CPNE7: variants seen among roughly 807,000 people sequenced by gnomAD.
CPNE7 encodes the protein copine 7.
Under a neutral mutation model 66.5 loss-of-function variants are expected in CPNE7, and 78 were observed. The ratio of observed to expected loss-of-function variants is 1.17; its 90% CI spans 0.98 to 1.42. The LOEUF (loss-of-function observed/expected upper bound fraction) is 1.42. CPNE7 is among the 40% of genes most tolerant of loss of function. The pLI is 0.00. For synonymous variants in CPNE7, 468 were observed against 336.7 expected (o/e 1.39, Z -4.27); for missense variants, 1,012 against 776.6 (o/e 1.30, Z -3.60).
chr16:89,595,820 C>A (rs780302256), intron 14 of CPNE7: 1 of 680,264 alleles, frequency 1.5e-6, no homozygotes, highest in South Asian at 1.5e-5. Context: ...CTTGTCGAAT[C>A]TACACAAAAG....
chr16:89,577,596 A>G lies in CPNE7; in HGVS notation c.232A>G (p.Thr78Ala). 6.4e-7 allele frequency: 1 copy of G among 1,556,566 alleles called. No homozygotes were observed. Among genetic ancestry groups the G allele is most frequent in the East Asian group, 2.4e-5 (1 of 41,464 alleles). ...SLHPVFSKVFTVDYYFEEVQR... is the reference protein window; with the variant it reads ...SLHPVFSKVFAVDYYFEEVQR... Reference sequence around the variant, plus strand: ...GCATCCCGTGTTCTCCAAGGTCTTCACGGTGGACTACTACTTCGAGGAGGT... The same window carrying G: ...GCATCCCGTGTTCTCCAAGGTCTTCGCGGTGGACTACTACTTCGAGGAGGT... Residue 78 changes from threonine (T) to alanine (A), a missense_variant, in exon 2 of 15, where the codon ACG (threonine) becomes GCG (alanine). Transcript: ENST00000319518.
At chr16:89,583,381 C>G in intron 2 of CPNE7, 3 of 1,480,122 alleles carry the variant, frequency 2.0e-6, no homozygotes, top group Non-Finnish European at 2.8e-6. Flanking sequence ...CAGGTGCAGG[C>G]CAGCTGGGCT....
intron 2 of CPNE7, among the ~76,000 whole-genome samples, chr16:89,583,155 G>T (rs960411146): frequency 6.6e-6 from 1 of 152,256 alleles, no homozygotes; most frequent in African/African-American, 2.4e-5. Flanking sequence ...AATCAACTCT[G>T]CTCCTTGGCA....
chr16:89,580,706 G>A (rs1252604305), intron 2 of CPNE7, among the ~76,000 whole-genome samples: 3 of 131,440 alleles, frequency 2.3e-5, no homozygotes, highest in African/African-American at 8.8e-5. Context: ...CCTGTCACAC[G>A]GAACATCCCG....
rs2059263711 is a variant in CPNE7, at chr16:89,596,773, G to A, written c.*152G>A. 2 of 1,071,084 alleles carry A rather than the reference G, an allele frequency of 1.9e-6. No individual in the cohort carries two copies. Among genetic ancestry groups the A allele is most frequent in the East Asian group, 3.1e-5 (1 of 32,254 alleles). The allele number at this position is 1,071,084 out of a possible 1,614,324, so 66.3% of individuals were successfully genotyped here. A position where few individuals can be genotyped will look rare whatever the true frequency, so the allele number is the denominator to read the frequency against. Reference sequence around the variant, plus strand: ...TCCCAGTCCTCCTGGGATCCTGCTGGCTTGGGCCCGGCTCTGGGGCCCCCA... The same window carrying A: ...TCCCAGTCCTCCTGGGATCCTGCTGACTTGGGCCCGGCTCTGGGGCCCCCA... On this transcript the variant is annotated 3_prime_UTR_variant, in exon 15 of 15. Transcript: ENST00000319518.
rs567442000 is a variant in CPNE7, at chr16:89,583,838, C to T, written c.432+67C>T. The T allele has an allele frequency of 7.0e-5, 110 of 1,570,600 alleles. 1 individual carries two copies. In the African/African-American group the frequency reaches 1.0e-3, roughly 15 times the overall value. ...CTGTGGCTCCGAGGGGTGTTGTGGG[C>T]GGAAGATGGGCAGCAGCGTGCCGTC... On this transcript the variant is annotated intron_variant, in intron 3 of 14. Transcript: ENST00000319518.
intron 7 of CPNE7, among the ~76,000 whole-genome samples, chr16:89,586,354 T>A (rs779820421): frequency 1.3e-5 from 2 of 151,942 alleles, no homozygotes; most frequent in African/African-American, 2.4e-5. Flanking sequence ...CTCCCCTGTG[T>A]CTGCCCAGCC....
rs2292955 is a variant in CPNE7 at position 89,586,896 on chromosome 16, C to G, written c.867+140C>G. On this transcript the variant is annotated intron_variant, in intron 8 of 14. Coordinates refer to ENST00000319518, the MANE Select transcript of CPNE7 (RefSeq NM_153636.3). ...GGAGGGGCTGAGAGACGGGGAAGGG[C>G]GAGGTTGGGGAGAGAGGATGGGGGA... 0.033 allele frequency: 36,619 copies of G among 1,096,220 alleles called. 2,999 individuals are homozygous for G. The East Asian group carries it at 0.35, about 10-fold the overall frequency. The allele number at this position is 1,096,220 out of a possible 1,614,324, so 67.9% of individuals were successfully genotyped here.
chr16:89,583,272 T>G (rs1022441227), intron 2 of CPNE7, among the ~76,000 whole-genome samples: 13 of 151,992 alleles, frequency 8.6e-5, no homozygotes, highest in Non-Finnish European at 1.8e-4. Context: ...CCGGGGCCGT[T>G]TGAGCTGCCT....
chr16:89,587,723 C>T (rs1437047290), intron 9 of CPNE7: 12 of 193,364 alleles, frequency 6.2e-5, no homozygotes, highest in East Asian at 1.6e-4. Flanking sequence ...ATAGCACCCC[C>T]GTGTCACCCA....
intron 9 of CPNE7, chr16:89,587,765 C>CACCCACAGATACACGGCCCCCCGTGTT (rs2059088334): frequency 1.6e-5 from 1 of 62,278 alleles, no homozygotes; most frequent in African/African-American, 9.3e-5. Flanking sequence ...ACCCGCGTGT[C>CACCCACAGATACACGGCCCCCCGTGTT]ACCCACAGAA....
intron 1 of CPNE7, among the ~76,000 whole-genome samples, chr16:89,576,843 T>TTGAGGGTG (rs1660888303): frequency 1.3e-5 from 2 of 152,064 alleles, no homozygotes; most frequent in Admixed American, 1.3e-4. Context: ...GTCATCCACC[T>TTGAGGGTG]TGAGGGTGAA....
At chr16:89,587,473 T>C in intron 9 of CPNE7, 1 of 440,384 alleles carries the variant, frequency 2.3e-6, no homozygotes, top group South Asian at 1.6e-5. Context: ...GGAAACGGGC[T>C]TGGGGTTCAG....
At chr16:89,593,066 C>T (rs1040453865) in intron 13 of CPNE7, among the ~76,000 whole-genome samples, 23 of 151,962 alleles carry the variant, frequency 1.5e-4, no homozygotes, top group African/African-American at 5.3e-4. Context: ...CCTGCCTCAG[C>T]CTCCCAAAGT....
At chr16:89,582,020 A>T (rs767607958) in intron 2 of CPNE7, among the ~76,000 whole-genome samples, 2 of 152,262 alleles carry the variant, frequency 1.3e-5, no homozygotes, top group African/African-American at 2.4e-5. Flanking sequence ...CTGTTCACAT[A>T]AGCACACACA....
Position 89,584,913 on chromosome 16 carries a change from C to G in CPNE7, c.591+56C>G, listed in dbSNP as rs75059901. ...GGGAAGGGGCTGTCCCCAGCCCTCA[C>G]GCATCTCTGGCCACATGGGAGGAGC... is the stretch of plus-strand genomic sequence containing the variant. On this transcript the variant is annotated intron_variant, in intron 5 of 14. Coordinates refer to ENST00000319518, the MANE Select transcript of CPNE7 (RefSeq NM_153636.3). This position sits in a 1 kb window ranked among gnomAD's most constrained non-coding sequence, Gnocchi z 6.0. 2.0e-6 allele frequency: 3 copies of G among 1,485,324 alleles called. No homozygotes were observed. The highest frequency in any genetic ancestry group is 2.8e-6 in the Non-Finnish European group (3 of 1,069,088). The allele number at this position is 1,485,324 out of a possible 1,614,324, so 92.0% of individuals were successfully genotyped here. A position where few individuals can be genotyped will look rare whatever the true frequency, so the allele number is the denominator to read the frequency against.
At chr16:89,592,013 G>GT (rs757698942) in intron 13 of CPNE7, among the ~76,000 whole-genome samples, 23,644 of 121,394 alleles carry the variant, frequency 0.19, 3,048 homozygotes, top group African/African-American at 0.39. Flanking sequence ...TTTTTTTGTT[G>GT]TTTTTTTTTT....
chr16:89,589,043 G>A (rs2059130598), intron 10 of CPNE7, among the ~76,000 whole-genome samples: 1 of 152,224 alleles, frequency 6.6e-6, no homozygotes, highest in South Asian at 2.1e-4. Context: ...TGTAATCCCA[G>A]CATTTTGGGA....
In CPNE7 at chr16:89,595,655, T is replaced by C. The variant is rs76970229; in HGVS notation, c.1539+52T>C. The C allele has an allele frequency of 9.2e-3, 13,761 of 1,491,832 alleles. 1,306 individuals are homozygous for C. The East Asian group carries it at 0.24, about 26-fold the overall frequency. 92.4% of individuals were successfully genotyped at this position (1,491,832 alleles called of 1,614,324 possible). A position where few individuals can be genotyped will look rare whatever the true frequency, so the allele number is the denominator to read the frequency against. On this transcript the variant is annotated intron_variant, in intron 14 of 14. Transcript: ENST00000319518. ...AGGCCGGCTTGGGGGTCCCTGTTCATGTCACTGCCCAAGACCTTCCCAGGC... is the reference window on the plus strand; with the variant it reads ...AGGCCGGCTTGGGGGTCCCTGTTCACGTCACTGCCCAAGACCTTCCCAGGC...
Sources: gnomAD v4.1 joint callset for allele counts (sites outside exome capture counted in the v4.1 genomes callset) on GRCh38, gnomAD v4.1.1 for gene constraint, Gnocchi (gnomAD v3.1) non-coding constraint, MANE v1.5 for transcripts, NCBI Gene and HGNC (gene_info 2026-07-23, HGNC 2026-07-21) for gene names.